DOCK9: variants seen among roughly 807,000 people sequenced by gnomAD.
DOCK9 encodes dedicator of cytokinesis protein 9.
Under a neutral mutation model 263.3 loss-of-function variants are expected in DOCK9, and 89 were observed. That is an observed-to-expected ratio of 0.34 (90% CI 0.28 to 0.40). The LOEUF is 0.40. Among genes scored for constraint, DOCK9 ranks in the 10% least tolerant of loss-of-function variants. The pLI is 1.00. For missense variants in DOCK9, 2,140 were observed against 2,603.4 expected (o/e 0.82, Z 3.87); for synonymous variants, 976 against 973.1 (o/e 1.00, Z -0.06).
At chr13:99,081,977 C>G in intron 1 of DOCK9, among the ~76,000 whole-genome samples, 1 of 152,130 alleles carries the variant, frequency 6.6e-6, no homozygotes, top group Non-Finnish European at 1.5e-5. Flanking sequence ...TGGCTCGCAC[C>G]TGTAATCCCA....
intron 15 of DOCK9, among the ~76,000 whole-genome samples, chr13:98,893,213 C>A (rs1308979748): frequency 2.0e-5 from 3 of 152,140 alleles, no homozygotes; most frequent in African/African-American, 4.8e-5. Flanking sequence ...ACTGTAAAAC[C>A]TGGATGCAAA....
intron 7 of DOCK9, among the ~76,000 whole-genome samples, chr13:98,919,499 A>G (rs1008369158): frequency 2.0e-5 from 3 of 152,220 alleles, no homozygotes; most frequent in African/African-American, 7.2e-5. Context: ...CAAACCAGAG[A>G]GCTGTGTCAC....
chr13:99,055,466 C>T (rs1034331502), intron 1 of DOCK9, among the ~76,000 whole-genome samples: 8 of 152,124 alleles, frequency 5.3e-5, no homozygotes, highest in African/African-American at 1.7e-4. Flanking sequence ...GGGGGCATCG[C>T]ACCTAAGAGA....
intron 1 of DOCK9, among the ~76,000 whole-genome samples, chr13:99,061,584 A>G (rs1014081617): frequency 1.3e-5 from 2 of 152,204 alleles, no homozygotes; most frequent in African/African-American, 4.8e-5. Context: ...CAAAGGGTAT[A>G]AAGTCACAAC....
At chr13:98,984,955 T>C (rs1878096893) in intron 1 of DOCK9, among the ~76,000 whole-genome samples, 1 of 152,162 alleles carries the variant, frequency 6.6e-6, no homozygotes, top group Non-Finnish European at 1.5e-5. Context: ...AGTGGGTATC[T>C]TTCTAAACAT....
chr13:99,083,300 T>C (rs780899689), intron 1 of DOCK9, among the ~76,000 whole-genome samples: 1 of 151,914 alleles, frequency 6.6e-6, no homozygotes, highest in Admixed American at 6.6e-5. Flanking sequence ...GAGCTAACCA[T>C]GTTTGACAAG....
At chr13:98,804,446 A>G (rs2090459760) in intron 49 of DOCK9, among the ~76,000 whole-genome samples, 1 of 152,194 alleles carries the variant, frequency 6.6e-6, no homozygotes, top group South Asian at 2.1e-4. Context: ...AAAACTGCCT[A>G]AGCTGAACTC....
chr13:99,065,169 T>A (rs2041362166), intron 1 of DOCK9, among the ~76,000 whole-genome samples: 1 of 152,144 alleles, frequency 6.6e-6, no homozygotes, highest in African/African-American at 2.4e-5. Flanking sequence ...GGAAGGAGGA[T>A]TATTAATCAA....
At chr13:98,890,357 G>A (rs1048526907) in intron 15 of DOCK9, among the ~76,000 whole-genome samples, 11 of 152,210 alleles carry the variant, frequency 7.2e-5, no homozygotes, top group South Asian at 2.1e-4. Context: ...GCCCACTCAC[G>A]TGTGCAGCGC....
At chr13:98,799,277 T>A (rs1455849989) in intron 50 of DOCK9, among the ~76,000 whole-genome samples, 2 of 152,174 alleles carry the variant, frequency 1.3e-5, no homozygotes, top group Admixed American at 6.6e-5. Context: ...TGTATTATAA[T>A]CCACATGTAA....
At chr13:98,960,108 T>G (rs1380595565) in intron 1 of DOCK9, among the ~76,000 whole-genome samples, 2 of 152,198 alleles carry the variant, frequency 1.3e-5, no homozygotes, top group East Asian at 3.9e-4. Flanking sequence ...GGCACAGATC[T>G]GGCACACAGC....
chr13:98,939,889 G>A (rs779177888), intron 2 of DOCK9, among the ~76,000 whole-genome samples: 3 of 152,190 alleles, frequency 2.0e-5, no homozygotes, highest in Non-Finnish European at 4.4e-5. Flanking sequence ...GGTGCCTCAC[G>A]TCTCTGTAGA....
chr13:98,966,125 G>T (rs2141229462), intron 1 of DOCK9, among the ~76,000 whole-genome samples: 1 of 152,386 alleles, frequency 6.6e-6, no homozygotes, highest in Non-Finnish European at 1.5e-5. Flanking sequence ...ATGCTGCTGA[G>T]AATGTCAATG....
chr13:99,087,787 G>A (rs2042382750), upstream of DOCK9: 1 of 152,404 alleles, frequency 6.6e-6, no homozygotes, highest in Admixed American at 6.5e-5. Context: ...TCTGCTGATT[G>A]GTCGGGCTGC....
At chr13:99,047,186 G>A (rs186087561) in intron 1 of DOCK9, among the ~76,000 whole-genome samples, 81 of 152,194 alleles carry the variant, frequency 5.3e-4, no homozygotes, top group Admixed American at 7.9e-4. Flanking sequence ...TGAAATACAC[G>A]CCAGCTGACC....
In DOCK9 at chr13:98,890,366, G is replaced by A. The variant is rs560416442; in HGVS notation, c.1710-1655C>T. On this transcript the variant is annotated intron_variant, in intron 15 of 52. Transcript: ENST00000682017. ...ACAACTGCCCACTCACGTGTGCAGCGCTTCTTTGACTCATTCACAGGCTAC... is the reference window on the plus strand; with the variant it reads ...ACAACTGCCCACTCACGTGTGCAGCACTTCTTTGACTCATTCACAGGCTAC... Among the ~76,000 whole-genome samples, 72 of 152,182 alleles carry A rather than the reference G, an allele frequency of 4.7e-4. 1 individual carries two copies. In the South Asian group the frequency reaches 0.013, roughly 28 times the overall value.
intron 1 of DOCK9, among the ~76,000 whole-genome samples, chr13:99,037,984 G>T (rs1399819099): frequency 6.6e-6 from 1 of 152,196 alleles, no homozygotes; most frequent in Non-Finnish European, 1.5e-5. Context: ...AGGAGACTTT[G>T]GGGGTGATAA....
chr13:98,944,383 A>G (rs377407764), intron 2 of DOCK9, among the ~76,000 whole-genome samples: 13 of 30,684 alleles, frequency 4.2e-4, no homozygotes, highest in Non-Finnish European at 8.2e-4. Context: ...ACTATATGAG[A>G]AAAAAAAAAA....
At chr13:98,859,418 A>T (rs1286659293) in intron 33 of DOCK9, 1 of 152,154 alleles carries the variant, frequency 6.6e-6, no homozygotes, top group Non-Finnish European at 1.5e-5. Context: ...TTATTGCAGG[A>T]TAAATTTGGG....
Sources: allele counts gnomAD v4.1 joint callset (sites outside exome capture counted in the v4.1 genomes callset), GRCh38; gene constraint gnomAD v4.1.1; transcripts MANE v1.5; gene names NCBI Gene and HGNC (gene_info 2026-07-23, HGNC 2026-07-21).